Variants in ATP13A2 observed in about 807,000 individuals in gnomAD.
The protein encoded by ATP13A2 is ATPase cation transporting 13A2.
Under a neutral mutation model 138.3 loss-of-function variants are expected in ATP13A2, and 83 were observed. That is an observed-to-expected ratio of 0.60 (90% CI 0.50 to 0.72). ATP13A2 has a LOEUF of 0.72. Among genes scored for constraint, ATP13A2 ranks in the 30% least tolerant of loss-of-function variants. The pLI is 0.00. For missense variants in ATP13A2, 1,402 were observed against 1,606.4 expected (o/e 0.87, Z 2.17); for synonymous variants, 663 against 699.0 (o/e 0.95, Z 0.81).
Position 16,992,301 on chromosome 1 carries a change from G to C in ATP13A2, c.1947C>G (p.Pro649=), listed in dbSNP as rs369722835. The C allele has an allele frequency of 1.2e-4, 191 of 1,612,220 alleles. No individual in the cohort carries two copies. The highest frequency in any genetic ancestry group is 6.7e-5 in the Admixed American group (4 of 59,880). ...VVVAWPGATQ[P]EAYVKGSPEL... is the part of the protein sequence containing the mutation. Reference sequence around the variant, plus strand: ...CCGGGGAGCCTTTGACGTAGGCCTCGGGCTGAGTGGCCCCTGGCCACGCCA... The same window carrying C: ...CCGGGGAGCCTTTGACGTAGGCCTCCGGCTGAGTGGCCCCTGGCCACGCCA... Residue 649 remains proline (P), a synonymous_variant, in exon 18 of 29, where the codon CCC becomes CCG. Coordinates refer to ENST00000326735, the MANE Select transcript of ATP13A2 (RefSeq NM_022089.4).
At position 17,000,353 on chromosome 1, in the gene ATP13A2, C is replaced by T. The variant is rs749304610; in HGVS notation, c.841-41G>A. On this transcript the variant is annotated intron_variant, in intron 9 of 28. Coordinates refer to ENST00000326735, the MANE Select transcript of ATP13A2 (RefSeq NM_022089.4). ...AAGAGGGCCGTGAGTGGGTGGGGGC[C>T]CCTGGGGACCCACCTGTCCCGTCCC... 163 of 1,589,004 alleles carry T rather than the reference C, an allele frequency of 1.0e-4. 1 individual carries two copies. Among genetic ancestry groups the T allele is most frequent in the Non-Finnish European group, 1.3e-4 (157 of 1,167,912 alleles).
At chr1:17,006,959 C>T (rs1324836040) in intron 1 of ATP13A2, among the ~76,000 whole-genome samples, 1 of 152,068 alleles carries the variant, frequency 6.6e-6, no homozygotes, top group East Asian at 1.9e-4. Context: ...GGCATGATCT[C>T]GGCTCACTAC....
At chr1:16,996,329 A>G (rs950801518) in intron 13 of ATP13A2, 29 bp from the exon 14 acceptor site, 3 of 1,613,588 alleles carry the variant, frequency 1.9e-6, no homozygotes, top group Non-Finnish European at 2.5e-6. Flanking sequence ...ACTGAGTGGG[A>G]TTTGGGACCC....
rs527668681 is a variant in ATP13A2 at position 16,993,863 on chromosome 1, G to A, written c.1543-28C>T. 1.3e-4 allele frequency: 194 copies of A among 1,526,156 alleles called. 1 individual carries two copies. The highest frequency in any genetic ancestry group is 1.2e-3 in the South Asian group (95 of 80,666). 94.5% of individuals were successfully genotyped at this position (1,526,156 alleles called of 1,614,324 possible). A position where few individuals can be genotyped will look rare whatever the true frequency, so the allele number is the denominator to read the frequency against. On this transcript the variant is annotated intron_variant, in intron 15 of 28. Transcript: ENST00000326735. ...GTGGGAGACAGGTGGGTGGGGCAGC[G>A]ATGAGTCCTGGGATGGGGGTACCCT...
In ATP13A2 at chr1:17,005,410, G is replaced by A. The variant is rs554944790; in HGVS notation, c.252C>T (p.His84=). 158 of 1,611,758 alleles carry A rather than the reference G, an allele frequency of 9.8e-5. No homozygotes were observed. The highest frequency in any genetic ancestry group is 3.0e-4 in the Admixed American group (18 of 59,484). ...TTATTTCGATAACGAGTGTTTCGGCGTGGGCCAGGTTGCAGGGCCGGAGCC... is the reference window on the plus strand; with the variant it reads ...TTATTTCGATAACGAGTGTTTCGGCATGGGCCAGGTTGCAGGGCCGGAGCC... ...RLRLRPCNLA[H]AETLVIEIRD... The change falls in exon 3 of 29, where the codon CAC becomes CAT. Residue 84 remains histidine (H), a synonymous_variant. Transcript: ENST00000326735.
rs769392537 is a variant in ATP13A2, at chr1:16,990,199, G to A, written c.2340C>T (p.His780=). The A allele has an allele frequency of 6.8e-6, 11 of 1,613,996 alleles. No individual in the cohort carries two copies. In the South Asian group the frequency reaches 1.2e-4, roughly 18 times the overall value. Residue 780 remains histidine (H), a synonymous_variant, in exon 21 of 29, where the codon CAC becomes CAT. Transcript: ENST00000326735. ...QEHLIIVHAT[H]PERGQPASLE... ...GAGAGGCAGGCTGACCCCGCTCAGGGTGGGTGGCGTGGACGATGATCAGAT... is the reference window on the plus strand; with the variant it reads ...GAGAGGCAGGCTGACCCCGCTCAGGATGGGTGGCGTGGACGATGATCAGAT...
Position 16,986,227 on chromosome 1 carries a change from C to G in ATP13A2, c.3537G>C (p.Leu1179=), listed in dbSNP as rs1397360819. 6.2e-7 allele frequency: 1 copy of G among 1,612,236 alleles called. No individual in the cohort carries two copies. The highest frequency in any genetic ancestry group is 8.5e-7 in the Non-Finnish European group (1 of 1,179,476). The change falls in exon 29 of 29, where the codon CTG becomes CTC. Residue 1179 remains leucine, a synonymous_variant. Transcript: ENST00000326735. The surrounding 1 kb of genome is among the most constrained non-coding windows in gnomAD (Gnocchi z 6.9). ...GGGTGCCCGTGGGCCTGCACTACCT[C>G]AGGGGGCCGGCGGGCAGCGGCGGCC... ...QPWPPLPAGP[L]R is the part of the protein sequence containing the mutation.
intron 8 of ATP13A2, 99 bp from the exon 9 acceptor site, chr1:17,000,633 G>T: frequency 6.8e-7 from 1 of 1,471,494 alleles, no homozygotes; most frequent in Non-Finnish European, 9.1e-7. Flanking sequence ...GGGCCCAGTG[G>T]CTGCCAAAGG....
chr1:16,992,222 C>T lies in ATP13A2; in HGVS notation c.2005+21G>A, dbSNP rs1162591231. ...CTGTGCCAATGCCCAACCAGGGGGA[C>T]TCAGGGGCTTCCCCCTGCACCTGTC... On this transcript the variant is annotated intron_variant, in intron 18 of 28. Coordinates refer to ENST00000326735, the MANE Select transcript of ATP13A2 (RefSeq NM_022089.4). The T allele has an allele frequency of 3.7e-6, 6 of 1,612,180 alleles. No homozygotes were observed. The African/African-American group carries it at 5.3e-5, about 14-fold the overall frequency.
rs1371219809 is a variant in ATP13A2 at position 17,000,131 on chromosome 1, C to T, written c.919G>A (p.Val307Met). 2.5e-6 allele frequency: 4 copies of T among 1,613,284 alleles called. No homozygotes were observed. The highest frequency in any genetic ancestry group is 3.4e-6 in the Non-Finnish European group (4 of 1,180,010). ...CCGGGCACTAGCTCACTGGAGTCCACCCACTCTTCCTCTGCAGGCAGGCAG... is the reference window on the plus strand; with the variant it reads ...CCGGGCACTAGCTCACTGGAGTCCATCCACTCTTCCTCTGCAGGCAGGCAG... Reference protein sequence around the residue: ...VCRPGGEEEWVDSSELVPGDC... With the variant: ...VCRPGGEEEWMDSSELVPGDC... The change falls in exon 11 of 29, where the codon GTG becomes ATG. Residue 307 changes from valine to methionine, a missense_variant. Val to Met is a conservative substitution (Grantham distance 21). Transcript: ENST00000326735.
chr1:16,998,860 G>A (rs915000332), intron 11 of ATP13A2, among the ~76,000 whole-genome samples: 11 of 152,078 alleles, frequency 7.2e-5, no homozygotes, highest in Admixed American at 2.0e-4. Flanking sequence ...ACAATCCCAC[G>A]TTCAGAACAA....
intron 7 of ATP13A2, 37 bp from the exon 8 acceptor site, chr1:17,002,140 G>A (rs1245190843): frequency 3.0e-5 from 49 of 1,606,780 alleles, no homozygotes; most frequent in Non-Finnish European, 3.9e-5. Flanking sequence ...TCAGAAGGAG[G>A]AGCTGTGGCT....
At chr1:17,005,816 C>A in intron 1 of ATP13A2, 38 bp from the exon 2 acceptor site, 3 of 1,556,682 alleles carry the variant, frequency 1.9e-6, no homozygotes, top group Non-Finnish European at 2.6e-6. Flanking sequence ...TGGGGAGGCA[C>A]CTTCTCCTCT....
chr1:16,987,298 A>C, intron 25 of ATP13A2, 29 bp from the exon 26 acceptor site: 1 of 1,608,088 alleles, frequency 6.2e-7, no homozygotes, highest in Non-Finnish European at 8.5e-7. Flanking sequence ...GACAGAGGGG[A>C]AACTAAGACC....
In ATP13A2 at chr1:17,005,742, T is replaced by C. The variant is rs1368656267; in HGVS notation, c.47A>G (p.Tyr16Cys). 3.1e-6 allele frequency: 5 copies of C among 1,613,002 alleles called. No homozygotes were observed. Among genetic ancestry groups the C allele is most frequent in the Non-Finnish European group, 4.2e-6 (5 of 1,179,608 alleles). The part of the protein sequence containing the change: ...SPLVGSTPTG[Y>C]GTLTIGTSID... The stretch of plus-strand genomic sequence containing the variant: ...TGATGTCCCTATCGTCAGGGTCCCA[T>C]AACCGGTGGGCGTGCTGCCCACGAG... The change falls in exon 2 of 29, where the codon TAT becomes TGT. Residue 16 changes from tyrosine (Y) to cysteine (C), a missense_variant. Physicochemically the swap from Tyr to Cys is radical, Grantham distance 194. Coordinates refer to ENST00000326735, the MANE Select transcript of ATP13A2 (RefSeq NM_022089.4).
Position 16,990,295 on chromosome 1 carries a change from T to A in ATP13A2, c.2252-8A>T, listed in dbSNP as rs759020707. 1.0e-4 allele frequency: 165 copies of A among 1,613,464 alleles called. No individual in the cohort carries two copies. Among genetic ancestry groups the A allele is most frequent in the Middle Eastern group, 5.0e-4 (3 of 6,054 alleles). Reference sequence around the variant, plus strand: ...CTGTCTGCAGGTTGTCCCCTGGGGGTTATGGGGCAAGGTGAGGGTCTGAGG... The same window carrying A: ...CTGTCTGCAGGTTGTCCCCTGGGGGATATGGGGCAAGGTGAGGGTCTGAGG... On this transcript the variant is annotated splice_polypyrimidine_tract_variant and splice_region_variant and intron_variant, in intron 20 of 28. Transcript: ENST00000326735.
At chr1:17,001,891 A>T in intron 8 of ATP13A2, 143 bp downstream of exon 8, 1 of 824,030 alleles carries the variant, frequency 1.2e-6, no homozygotes, top group Non-Finnish European at 1.9e-6. Context: ...TGACTGCGGC[A>T]GGTTCTGAGA....
In ATP13A2 at chr1:17,011,653, T is replaced by C; in HGVS notation, c.10+76A>G. On this transcript the variant is annotated intron_variant, in intron 1 of 28. Coordinates refer to ENST00000326735, the MANE Select transcript of ATP13A2 (RefSeq NM_022089.4). The surrounding 1 kb of genome is among the most constrained non-coding windows in gnomAD (Gnocchi z 7.3). ...GCGGTGGGGGGCGTCGCCTCCCCTC[T>C]CCCTCCAAGGGGTGACGACAACTGG... The C allele has an allele frequency of 7.0e-7, 1 of 1,427,484 alleles. No homozygotes were observed. The highest frequency in any genetic ancestry group is 3.0e-5 in the East Asian group (1 of 33,618). 88.4% of individuals were successfully genotyped at this position (1,427,484 alleles called of 1,614,324 possible).
At position 16,990,144 on chromosome 1, in the gene ATP13A2, C is replaced by T. The variant is rs1291387622; in HGVS notation, c.2395G>A (p.Ala799Thr). ...AGCCTCACCTTAACGCCATTCACGGCTGTGGGGGACTCCATCGGCAGGAAC... is the reference window on the plus strand; with the variant it reads ...AGCCTCACCTTAACGCCATTCACGGTTGTGGGGGACTCCATCGGCAGGAAC... Reference protein sequence around the residue: ...LEFLPMESPTAVNGVKDPDQA... With the variant: ...LEFLPMESPTTVNGVKDPDQA... The change falls in exon 21 of 29, where the codon GCC becomes ACC. Residue 799 changes from alanine to threonine, a missense_variant. Coordinates refer to ENST00000326735, the MANE Select transcript of ATP13A2 (RefSeq NM_022089.4). The T allele has an allele frequency of 5.6e-6, 9 of 1,614,162 alleles. No homozygotes were observed. Among genetic ancestry groups the T allele is most frequent in the Non-Finnish European group, 7.6e-6 (9 of 1,180,032 alleles).
Sources: allele counts gnomAD v4.1 joint callset (sites outside exome capture counted in the v4.1 genomes callset), GRCh38; gene constraint gnomAD v4.1.1; non-coding constraint Gnocchi (gnomAD v3.1); transcripts MANE v1.5; gene names NCBI Gene and HGNC (gene_info 2026-07-23, HGNC 2026-07-21).